DLC1: variants seen among roughly 807,000 people sequenced by gnomAD.
The protein encoded by DLC1 is DLC1 Rho GTPase activating protein, also known as rho GTPase-activating protein 7.
Under a neutral mutation model 140.3 loss-of-function variants are expected in DLC1, and 54 were observed. That is an observed-to-expected ratio of 0.38 (90% CI 0.31 to 0.48). The LOEUF is 0.48. DLC1 is among the 20% of genes least tolerant of loss of function. The pLI, the probability that DLC1 is intolerant of heterozygous loss-of-function variation, is 0.96. For synonymous variants in DLC1, 986 were observed against 728.1 expected, an observed-to-expected ratio of 1.35 and a Z score of -5.70; for missense variants, 2,536 against 1,907.0, an observed-to-expected ratio of 1.33 and a Z score of -6.14.
At position 13,085,675 on chromosome 8, in the gene DLC1, G is replaced by T; in HGVS notation, c.*136C>A. ...AGCAGCTTTAAAAATGTATCAAATT[G>T]CTATAGTCAATTCCTACACTCCAGC... On this transcript the variant is annotated 3_prime_UTR_variant, in exon 18 of 18. Transcript: ENST00000276297. 7.5e-7 allele frequency: 1 copy of T among 1,327,486 alleles called. No individual in the cohort carries two copies. The highest frequency in any genetic ancestry group is 1.0e-6 in the Non-Finnish European group (1 of 985,234). 82.2% of individuals were successfully genotyped at this position (1,327,486 alleles called of 1,614,324 possible).
intron 1 of DLC1, among the ~76,000 whole-genome samples, chr8:13,510,213 C>T (rs961596157): frequency 4.8e-5 from 7 of 146,542 alleles, no homozygotes; most frequent in Non-Finnish European, 8.9e-5. Flanking sequence ...TTGCTCTTGT[C>T]GCCCAGTCTG....
chr8:13,215,603 T>A (rs1828158793), intron 5 of DLC1, among the ~76,000 whole-genome samples: 1 of 151,678 alleles, frequency 6.6e-6, no homozygotes, highest in Admixed American at 6.6e-5. Context: ...AAAACAAATA[T>A]TAAATGTGAA....
At chr8:13,593,455 C>T (rs1233840148) in intron 1 of DLC1, among the ~76,000 whole-genome samples, 1 of 152,130 alleles carries the variant, frequency 6.6e-6, no homozygotes, top group Non-Finnish European at 1.5e-5. Flanking sequence ...ATATGTGTTA[C>T]TTCTAGATGA....
chr8:13,402,215 C>A lies in DLC1; in HGVS notation c.1024-596G>T, dbSNP rs139306811. Among the ~76,000 whole-genome samples the A allele has an allele frequency of 5.9e-5, 9 of 152,262 alleles. No individual in the cohort carries two copies. The East Asian group carries it at 1.7e-3, about 29-fold the overall frequency. On this transcript the variant is annotated intron_variant, in intron 2 of 17. Transcript: ENST00000276297. Reference sequence around the variant, plus strand: ...TTTTACACACTTATAAAACAGCTCCCACAACAATTTGTATTTTTGTAAATG... The same window carrying A: ...TTTTACACACTTATAAAACAGCTCCAACAACAATTTGTATTTTTGTAAATG...
chr8:13,408,357 T>G (rs191084059), intron 2 of DLC1, among the ~76,000 whole-genome samples: 1 of 152,372 alleles, frequency 6.6e-6, no homozygotes, highest in African/African-American at 2.4e-5. Context: ...TTATATTATC[T>G]GTTTAAATTT....
At chr8:13,366,694 A>G (rs1835495402) in intron 4 of DLC1, among the ~76,000 whole-genome samples, 1 of 152,008 alleles carries the variant, frequency 6.6e-6, no homozygotes, top group African/African-American at 2.4e-5. Context: ...TCTTCTCTCC[A>G]TTTCTCTCCT....
chr8:13,290,664 G>A (rs1269290974), intron 5 of DLC1, among the ~76,000 whole-genome samples: 1 of 152,156 alleles, frequency 6.6e-6, no homozygotes, highest in Non-Finnish European at 1.5e-5. Flanking sequence ...GTACTGGAGT[G>A]TTTGGGGGAA....
intron 1 of DLC1, among the ~76,000 whole-genome samples, chr8:13,526,298 C>T (rs926035558): frequency 1.3e-5 from 2 of 152,008 alleles, no homozygotes; most frequent in African/African-American, 4.8e-5. Context: ...TAATCTAGGG[C>T]CATTGTAATT....
intron 4 of DLC1, among the ~76,000 whole-genome samples, chr8:13,384,041 C>T (rs140882370): frequency 4.6e-5 from 7 of 152,134 alleles, no homozygotes; most frequent in Non-Finnish European, 7.3e-5. Context: ...GTGCATGTAT[C>T]AGGAATTCAG....
At chr8:13,087,417 C>T (rs1437407131) in intron 16 of DLC1, among the ~76,000 whole-genome samples, 5 of 152,202 alleles carry the variant, frequency 3.3e-5, no homozygotes, top group African/African-American at 1.2e-4. Flanking sequence ...AATCAAACAA[C>T]CAACCAACTA....
intron 2 of DLC1, among the ~76,000 whole-genome samples, chr8:13,484,896 A>G (rs1373229808): frequency 6.6e-6 from 1 of 151,946 alleles, no homozygotes; most frequent in East Asian, 1.9e-4. Flanking sequence ...CGTGGGACTC[A>G]CAGTGGTTGG....
At chr8:13,601,678 C>A (rs774416475) in intron 1 of DLC1, among the ~76,000 whole-genome samples, 1 of 150,696 alleles carries the variant, frequency 6.6e-6, no homozygotes, top group Non-Finnish European at 1.5e-5. Context: ...ACAACGACAA[C>A]AAAAAAGGAA....
At chr8:13,559,417 C>G (rs910882431) in intron 1 of DLC1, 1 of 152,156 alleles carries the variant, frequency 6.6e-6, no homozygotes, top group East Asian at 1.9e-4. Context: ...ATGAGTTTAG[C>G]CTGTGAGCTC....
At chr8:13,126,765 C>T (rs891217101) in intron 5 of DLC1, among the ~76,000 whole-genome samples, 3 of 152,166 alleles carry the variant, frequency 2.0e-5, no homozygotes, top group African/African-American at 4.8e-5. Context: ...GCTTATTCTA[C>T]GAGGGGCATC....
chr8:13,221,724 G>GTATATATATATATATATATATA (rs1311540477), intron 5 of DLC1, among the ~76,000 whole-genome samples: 1 of 132,970 alleles, frequency 7.5e-6, no homozygotes, highest in African/African-American at 2.9e-5. Flanking sequence ...GTGTGTGTGT[G>GTATATATATATATATATATATA]TGTATATATA....
Position 13,579,266 on chromosome 8 carries a change from A to ATATATATATATATATATATG in DLC1, c.-126+25270_-126+25271insCATATATATATATATATATA, listed in dbSNP as rs1183332154. ...GGAGCATATATATATATATATATAT[A>ATATATATATATATATATATG]TATGCACATATCTACCTGGACTTAA... On this transcript the variant is annotated intron_variant, in intron 1 of 1. Transcript: ENST00000631382. 2.8e-5 allele frequency among the ~76,000 whole-genome samples: 3 copies of ATATATATATATATATATATG among 108,996 alleles called. 1 individual carries two copies. In the South Asian group the frequency reaches 8.5e-4, roughly 31 times the overall value. 71.5% of individuals were successfully genotyped at this position (108,996 alleles called of 152,430 possible). A position where few individuals can be genotyped will look rare whatever the true frequency, so the allele number is the denominator to read the frequency against.
intron 2 of DLC1, among the ~76,000 whole-genome samples, chr8:13,412,401 C>T (rs1433100002): frequency 6.6e-6 from 1 of 152,040 alleles, no homozygotes; most frequent in South Asian, 2.1e-4. Context: ...ATTTTAGATA[C>T]CTATCTTAGA....
chr8:13,436,016 A>C (rs1353853121), intron 2 of DLC1, among the ~76,000 whole-genome samples: 1 of 152,222 alleles, frequency 6.6e-6, no homozygotes, highest in African/African-American at 2.4e-5. Context: ...TTTAGGAATA[A>C]AGTATTTTTA....
At chr8:13,561,989 T>C (rs370074571) in intron 1 of DLC1, among the ~76,000 whole-genome samples, 54 of 151,960 alleles carry the variant, frequency 3.6e-4, no homozygotes, top group Admixed American at 1.8e-3. Context: ...AAAAAATCAA[T>C]GGAAAAAGTA....
Sources: gnomAD v4.1 joint callset for allele counts (sites outside exome capture counted in the v4.1 genomes callset) on GRCh38, gnomAD v4.1.1 for gene constraint, MANE v1.5 for transcripts, NCBI Gene and HGNC (gene_info 2026-07-23, HGNC 2026-07-21) for gene names.